WNT3: variants seen among roughly 807,000 people sequenced by gnomAD.
WNT3 encodes proto-oncogene Wnt-3.
A neutral mutation model predicts 34.2 loss-of-function variants in WNT3; 7 were observed. That is an observed-to-expected ratio of 0.20 (90% confidence interval 0.12 to 0.38). The LOEUF is 0.38. Among genes scored for constraint, WNT3 ranks in the 10% least tolerant of loss-of-function variants. WNT3 has a pLI of 1.00. For synonymous variants in WNT3, 212 were observed against 211.5 expected, an observed-to-expected ratio of 1.00 and a Z score of -0.02; for missense variants, 267 against 499.8, an observed-to-expected ratio of 0.53 and a Z score of 4.44.
intron 1 of WNT3, among the ~76,000 whole-genome samples, chr17:46,794,958 C>G (rs2084034976): frequency 6.6e-6 from 1 of 151,940 alleles, no homozygotes; most frequent in African/African-American, 2.4e-5. Context: ...ACCATGTTGG[C>G]CAGGCTGGTC....
chr17:46,789,813 G>A (rs762628507), intron 1 of WNT3, among the ~76,000 whole-genome samples: 29 of 152,212 alleles, frequency 1.9e-4, no homozygotes, highest in African/African-American at 4.8e-4. Context: ...TGGCAGATGC[G>A]CACGCAGGAG....
chr17:46,804,494 A>T (rs1460478470), intron 1 of WNT3, among the ~76,000 whole-genome samples: 1 of 152,072 alleles, frequency 6.6e-6, no homozygotes, highest in South Asian at 2.1e-4. Context: ...AAGTGCTGTA[A>T]GACACCAGAC....
chr17:46,795,112 C>A (rs1017794263), intron 1 of WNT3, among the ~76,000 whole-genome samples: 1 of 152,072 alleles, frequency 6.6e-6, no homozygotes, highest in Non-Finnish European at 1.5e-5. Context: ...CACCTGTGTC[C>A]CTCTGAGCCA....
In WNT3 at chr17:46,763,959, G is replaced by T. The variant is rs1315296584; in HGVS notation, c.*671C>A. ...ACAGGGTTATAGAGAAAATGAGACT[G>T]AGAAGAACACATGGCTGCTCTTCAA... is the stretch of plus-strand genomic sequence containing the variant. On this transcript the variant is annotated 3_prime_UTR_variant, in exon 5 of 5. Coordinates refer to ENST00000225512, the MANE Select transcript of WNT3 (RefSeq NM_030753.5). 6.6e-6 allele frequency: 1 copy of T among 152,072 alleles called. No individual in the cohort carries two copies. The highest frequency in any genetic ancestry group is 2.4e-5 in the African/African-American group (1 of 41,410). 9.4% of individuals were successfully genotyped at this position (152,072 alleles called of 1,614,324 possible).
chr17:46,769,876 G>A lies in WNT3; in HGVS notation c.495C>T (p.Gly165=), dbSNP rs758614999. The change falls in exon 3 of 5, where the codon GGC becomes GGT. Residue 165 remains glycine, a synonymous_variant. Coordinates refer to ENST00000225512, the MANE Select transcript of WNT3 (RefSeq NM_030753.5). ...CCGCGAACTCCCTGGACACTAACAC[G>A]CCGAAGTCAGCGTCCTCGCTGCAGC... ...WGGCSEDADF[G]VLVSREFADA... is the part of the protein sequence containing the mutation. 3 of 1,613,604 alleles carry A rather than the reference G, an allele frequency of 1.9e-6. No individual in the cohort carries two copies. The highest frequency in any genetic ancestry group is 1.7e-6 in the Non-Finnish European group (2 of 1,179,916).
chr17:46,796,562 T>A (rs891393813), intron 1 of WNT3, among the ~76,000 whole-genome samples: 3 of 152,196 alleles, frequency 2.0e-5, no homozygotes, highest in Non-Finnish European at 4.4e-5. Context: ...CATCTGTATG[T>A]CCCACTCGGG....
At chr17:46,806,207 C>CTTTTTTTTTTT (rs10549860) in intron 1 of WNT3, among the ~76,000 whole-genome samples, 1 of 75,658 alleles carries the variant, frequency 1.3e-5, no homozygotes, top group Non-Finnish European at 2.5e-5. Context: ...TTTTCTTTTC[C>CTTTTTTTTTTT]TTTTTTTTTT....
At chr17:46,810,475 A>G (rs948660701) in intron 1 of WNT3, among the ~76,000 whole-genome samples, 3 of 152,316 alleles carry the variant, frequency 2.0e-5, no homozygotes, top group African/African-American at 7.2e-5. Context: ...TCTGAGGCCA[A>G]CTGGTCACGG....
Position 46,768,407 on chromosome 17 carries a change from C to T in WNT3, c.981G>A (p.Lys327=). 6.2e-7 allele frequency: 1 copy of T among 1,613,956 alleles called. No individual in the cohort carries two copies. ...AGTGGAAGATGCAGTGGCATTTTTC[C>T]TTCCGCTTCTCCGTCCTCGTGTTGT... ...RGHNTRTEKR[K]EKCHCIFHWC... is the part of the protein sequence containing the mutation. The change falls in exon 4 of 5, where the codon AAG becomes AAA. Residue 327 remains lysine (K), a synonymous_variant. Transcript: ENST00000225512. This position sits in a 1 kb window ranked among gnomAD's most constrained non-coding sequence, Gnocchi z 5.0.
At chr17:46,810,004 C>CTTTCT (rs778760627) in intron 1 of WNT3, among the ~76,000 whole-genome samples, 12 of 126,390 alleles carry the variant, frequency 9.5e-5, no homozygotes, top group Non-Finnish European at 2.0e-4. Context: ...TTCTTTCTTT[C>CTTTCT]TTTTTTTTTT....
intron 1 of WNT3, among the ~76,000 whole-genome samples, chr17:46,803,880 A>C (rs747915578): frequency 3.9e-5 from 6 of 152,176 alleles, no homozygotes; most frequent in Non-Finnish European, 5.9e-5. Context: ...CTAAATTCTC[A>C]TGGCGCAGCT....
rs1462953673 is a variant in WNT3 at position 46,768,542 on chromosome 17, G to A, written c.846C>T (p.Asn282=). The change falls in exon 4 of 5, where the codon AAC becomes AAT. Residue 282 remains asparagine, a synonymous_variant. Transcript: ENST00000225512. This position sits in a 1 kb window ranked among gnomAD's most constrained non-coding sequence, Gnocchi z 5.0. ...RDLVYYENSP[N]FCEPNPETGS... is the part of the protein sequence containing the mutation. ...CCGTCTCTGGGTTGGGCTCACAAAAGTTGGGGGAGTTCTCGTAGTAGACCA... is the reference window on the plus strand; with the variant it reads ...CCGTCTCTGGGTTGGGCTCACAAAAATTGGGGGAGTTCTCGTAGTAGACCA... 37 of 1,614,184 alleles carry A rather than the reference G, an allele frequency of 2.3e-5. No homozygotes were observed. The highest frequency in any genetic ancestry group is 3.1e-5 in the Non-Finnish European group (37 of 1,180,042).
intron 1 of WNT3, among the ~76,000 whole-genome samples, chr17:46,793,259 G>C (rs2084010382): frequency 8.8e-6 from 1 of 114,018 alleles, no homozygotes; most frequent in East Asian, 3.0e-4. Flanking sequence ...GGGCAACAGA[G>C]TGAGACCCTG....
Position 46,764,156 on chromosome 17 carries a change from G to C in WNT3, c.*474C>G, listed in dbSNP as rs991398003. ...TGGACCAAGAAAAGGAGACTGCAGG[G>C]GTGTGTCCTACTTCCTGACTCCCAC... is the stretch of plus-strand genomic sequence containing the variant. On this transcript the variant is annotated 3_prime_UTR_variant, in exon 5 of 5. Transcript: ENST00000225512. 6 of 152,298 alleles carry C rather than the reference G, an allele frequency of 3.9e-5. No individual in the cohort carries two copies. The highest frequency in any genetic ancestry group is 1.4e-4 in the African/African-American group (6 of 41,436). The allele number at this position is 152,298 out of a possible 1,614,324, so 9.4% of individuals were successfully genotyped here.
chr17:46,768,519 G>A lies in WNT3; in HGVS notation c.869C>T (p.Thr290Met). 1.9e-6 allele frequency: 3 copies of A among 1,614,202 alleles called. No homozygotes were observed. Among genetic ancestry groups the A allele is most frequent in the Non-Finnish European group, 2.5e-6 (3 of 1,180,040 alleles). The change falls in exon 4 of 5, where the codon ACG becomes ATG. Residue 290 changes from threonine to methionine, a missense_variant. Physicochemically the swap from Thr to Met is moderately conservative, Grantham distance 81. Coordinates refer to ENST00000225512, the MANE Select transcript of WNT3 (RefSeq NM_030753.5). This position sits in a 1 kb window ranked among gnomAD's most constrained non-coding sequence, Gnocchi z 5.0. ...SPNFCEPNPE[T>M]GSFGTRDRTC... The stretch of plus-strand genomic sequence containing the variant: ...CCGGTCCCTTGTGCCAAAGGAACCC[G>A]TCTCTGGGTTGGGCTCACAAAAGTT...
chr17:46,783,756 A>G (rs1366385112), intron 1 of WNT3, among the ~76,000 whole-genome samples: 1 of 152,242 alleles, frequency 6.6e-6, no homozygotes, highest in East Asian at 1.9e-4. Context: ...AGGTGGAGCC[A>G]GGTGGCAGGG....
chr17:46,767,977 C>G (rs963669079), intron 4 of WNT3, among the ~76,000 whole-genome samples: 2 of 152,066 alleles, frequency 1.3e-5, no homozygotes, highest in South Asian at 4.1e-4. Context: ...TTAGTAGAGA[C>G]GGGTTTCACC....
chr17:46,796,395 G>T (rs1299528392), intron 1 of WNT3, among the ~76,000 whole-genome samples: 1 of 152,186 alleles, frequency 6.6e-6, no homozygotes, highest in Non-Finnish European at 1.5e-5. Flanking sequence ...TGTAAGGAAG[G>T]TATGTTATCA....
intron 1 of WNT3, among the ~76,000 whole-genome samples, chr17:46,791,832 G>A (rs953880994): frequency 6.6e-5 from 10 of 152,222 alleles, no homozygotes; most frequent in Middle Eastern, 3.2e-3. Flanking sequence ...CTGAGGCCAG[G>A]AATTTGAGAT....
Sources: allele counts gnomAD v4.1 joint callset (sites outside exome capture counted in the v4.1 genomes callset), GRCh38; gene constraint gnomAD v4.1.1; non-coding constraint Gnocchi (gnomAD v3.1); transcripts MANE v1.5; gene names NCBI Gene and HGNC (gene_info 2026-07-23, HGNC 2026-07-21).